ELOVL6: variants seen among roughly 807,000 people sequenced by gnomAD.
ELOVL6 encodes ELOVL fatty acid elongase 6, also known as very long chain fatty acid elongase 6.
A neutral mutation model predicts 31.7 loss-of-function variants in ELOVL6; 8 were observed. The observed-to-expected ratio is 0.25, with a 90% CI of 0.15 to 0.45. ELOVL6 has a LOEUF of 0.45. Ranked by LOEUF, ELOVL6 falls within the 20% of genes least tolerant of loss-of-function variation. The pLI is 1.00. For synonymous variants in ELOVL6, 101 were observed against 117.7 expected (o/e 0.86, Z 0.92); for missense variants, 126 against 326.4 (o/e 0.39, Z 4.73).
chr4:110,059,661 A>T lies in ELOVL6; in HGVS notation c.315T>A (p.Asn105Lys), dbSNP rs112331220. The stretch of plus-strand genomic sequence containing the variant: ...AAGCCCAGAATTTGCTGACAGGTCC[A>T]TTGTAAAAACCCTGGTCACAAACTG... Reference protein sequence around the residue: ...KQSVCDQGFYNGPVSKFWAYA... With the variant: ...KQSVCDQGFYKGPVSKFWAYA... The change falls in exon 3 of 4, where the codon AAT becomes AAA. Residue 105 changes from asparagine to lysine, a missense_variant. By Grantham distance (94) the Asn-to-Lys change is moderately conservative. Around this residue, in one of 3 missense-constraint regions of ELOVL6, gnomAD observed 53 missense variants for 193.4 expected, o/e 0.27. Transcript: ENST00000302274. 7.4e-6 allele frequency: 12 copies of T among 1,614,038 alleles called. No homozygotes were observed. The highest frequency in any genetic ancestry group is 1.0e-5 in the Non-Finnish European group (12 of 1,180,024).
rs183728903 is a variant in ELOVL6, at chr4:110,117,315, G to C, written c.90-11687C>G. The stretch of plus-strand genomic sequence containing the variant: ...AAGAGAAATTGGAAAACTCAAGAGG[G>C]TGTAGGCAAAACTGCTTCAAAAGTA... On this transcript the variant is annotated intron_variant, in intron 1 of 3. Coordinates refer to ENST00000302274, the MANE Select transcript of ELOVL6 (RefSeq NM_024090.3). Among the ~76,000 whole-genome samples, 3 of 152,292 alleles carry C rather than the reference G, an allele frequency of 2.0e-5. No individual in the cohort carries two copies. In the East Asian group the frequency reaches 5.8e-4, roughly 29 times the overall value.
chr4:110,185,411 C>A (rs1317678616), intron 1 of ELOVL6, among the ~76,000 whole-genome samples: 1 of 151,952 alleles, frequency 6.6e-6, no homozygotes, highest in Non-Finnish European at 1.5e-5. Flanking sequence ...CCCACTCCTA[C>A]CCCCACTCAA....
intron 1 of ELOVL6, among the ~76,000 whole-genome samples, chr4:110,191,509 A>G (rs1040981108): frequency 1.3e-5 from 2 of 152,192 alleles, no homozygotes; most frequent in Non-Finnish European, 2.9e-5. Context: ...CCTATTAATA[A>G]AGGACAGTTT....
intron 2 of ELOVL6, among the ~76,000 whole-genome samples, chr4:110,090,443 T>C (rs975080612): frequency 6.6e-6 from 1 of 152,068 alleles, no homozygotes; most frequent in African/African-American, 2.4e-5. Flanking sequence ...CTCAATAGCA[T>C]TGTATATGTA....
chr4:110,197,956 C>A, intron 1 of ELOVL6: 1 of 469,806 alleles, frequency 2.1e-6, no homozygotes, highest in Non-Finnish European at 3.8e-6. Flanking sequence ...CCCGCCTTCC[C>A]TGTCGCGCAG....
intron 1 of ELOVL6, among the ~76,000 whole-genome samples, chr4:110,174,831 C>G (rs28545371): frequency 6.6e-6 from 1 of 151,960 alleles, no homozygotes; most frequent in Non-Finnish European, 1.5e-5. Flanking sequence ...GCACCTAAAA[C>G]CATCCCAAGA....
chr4:110,181,814 TC>T (rs1421385442), intron 1 of ELOVL6, among the ~76,000 whole-genome samples: 1 of 152,146 alleles, frequency 6.6e-6, no homozygotes, highest in East Asian at 1.9e-4. Context: ...GTCACATTGC[TC>T]CCAAGCAGAT....
intron 1 of ELOVL6, among the ~76,000 whole-genome samples, chr4:110,197,635 C>G (rs1181932886): frequency 6.6e-6 from 1 of 151,926 alleles, no homozygotes; most frequent in Admixed American, 6.6e-5. Context: ...TCTATGAAAC[C>G]GGAAAGGGAA....
chr4:110,105,328 T>A (rs561158536), intron 2 of ELOVL6, among the ~76,000 whole-genome samples, 169 bp downstream of exon 2: 1 of 152,218 alleles, frequency 6.6e-6, no homozygotes, highest in African/African-American at 2.4e-5. Flanking sequence ...GAATACATCA[T>A]GGCAAATGGT....
At chr4:110,182,524 T>C (rs1299221552) in intron 1 of ELOVL6, among the ~76,000 whole-genome samples, 1 of 152,216 alleles carries the variant, frequency 6.6e-6, no homozygotes, top group African/African-American at 2.4e-5. Context: ...AAGTACATTA[T>C]AGTTAATGCA....
intron 1 of ELOVL6, among the ~76,000 whole-genome samples, chr4:110,122,227 G>C (rs1197192924): frequency 6.6e-6 from 1 of 152,118 alleles, no homozygotes; most frequent in Non-Finnish European, 1.5e-5. Flanking sequence ...ATTATATGAA[G>C]TCAAGATCTT....
rs553882735 is a variant in ELOVL6, at chr4:110,115,870, T to G, written c.90-10242A>C. 2.4e-4 allele frequency among the ~76,000 whole-genome samples: 36 copies of G among 152,338 alleles called. 1 individual carries two copies. The South Asian group carries it at 7.0e-3, about 30-fold the overall frequency. ...GGTTGCATTTCTTCTGAAGGCTCTA[T>G]GGCAGAATCCATTTCCTTGCCTTTT... is the stretch of plus-strand genomic sequence containing the variant. On this transcript the variant is annotated intron_variant, in intron 1 of 3. Transcript: ENST00000302274.
chr4:110,065,769 C>G (rs1755282156), intron 2 of ELOVL6, among the ~76,000 whole-genome samples: 1 of 152,146 alleles, frequency 6.6e-6, no homozygotes, highest in Admixed American at 6.5e-5. Context: ...TGGAATAGCT[C>G]AGTAATGTTA....
At chr4:110,179,066 A>G (rs567646550) in intron 1 of ELOVL6, among the ~76,000 whole-genome samples, 187 of 152,290 alleles carry the variant, frequency 1.2e-3, no homozygotes, top group African/African-American at 4.0e-3. Context: ...TTATTTATCA[A>G]GATGAATCCT....
intron 1 of ELOVL6, among the ~76,000 whole-genome samples, chr4:110,144,480 A>AT (rs1202920789): frequency 6.6e-6 from 1 of 152,172 alleles, no homozygotes; most frequent in Non-Finnish European, 1.5e-5. Context: ...GAATATGAAC[A>AT]TTTTATATAA....
chr4:110,081,274 T>C (rs570636148), intron 2 of ELOVL6, among the ~76,000 whole-genome samples: 26 of 152,252 alleles, frequency 1.7e-4, no homozygotes, highest in South Asian at 4.1e-4. Flanking sequence ...AAAAAGAGCC[T>C]GCATTGCCAA....
chr4:110,137,556 G>A (rs1757844619), intron 1 of ELOVL6, among the ~76,000 whole-genome samples: 1 of 152,126 alleles, frequency 6.6e-6, no homozygotes, highest in African/African-American at 2.4e-5. Context: ...TGTCAGTTAA[G>A]TTTATGCTTC....
chr4:110,144,856 CA>C (rs1231120464), intron 1 of ELOVL6, among the ~76,000 whole-genome samples: 1 of 152,138 alleles, frequency 6.6e-6, no homozygotes, highest in Non-Finnish European at 1.5e-5. Flanking sequence ...GAAATTCCAG[CA>C]CTTCAAAAGA....
chr4:110,084,570 A>T (rs1170247713), intron 2 of ELOVL6, among the ~76,000 whole-genome samples: 43 of 41,312 alleles, frequency 1.0e-3, no homozygotes, highest in African/African-American at 6.7e-3. Context: ...ACAGATATAT[A>T]TATATATATA....
Sources: allele counts gnomAD v4.1 joint callset (sites outside exome capture counted in the v4.1 genomes callset), GRCh38; gene constraint gnomAD v4.1.1; regional missense constraint gnomAD v4.1.1; transcripts MANE v1.5; gene names NCBI Gene and HGNC (gene_info 2026-07-23, HGNC 2026-07-21).